Variants in NOL4L observed in about 807,000 individuals in gnomAD.
NOL4L encodes the protein nucleolar protein 4-like.
A neutral mutation model predicts 64.5 loss-of-function variants in NOL4L; 7 were observed. The observed-to-expected ratio is 0.11, with a 90% confidence interval of 0.06 to 0.20. NOL4L has a LOEUF of 0.20. Ranked by LOEUF, NOL4L falls within the 10% of genes least tolerant of loss-of-function variation. The pLI is 1.00. For missense variants in NOL4L, 680 were observed against 967.1 expected (o/e 0.70, Z 3.94); for synonymous variants, 413 against 401.0 (o/e 1.03, Z -0.36).
chr20:32,462,731 C>T (rs1279970671), intron 5 of NOL4L, among the ~76,000 whole-genome samples: 1 of 151,626 alleles, frequency 6.6e-6, no homozygotes, highest in Non-Finnish European at 1.5e-5. Flanking sequence ...ATGGTGAAAC[C>T]CCATCACTAC....
In NOL4L at chr20:32,488,737, CTT is replaced by C. The variant is rs568368239; in HGVS notation, c.700-13997_700-13996del. 1.4e-3 allele frequency among the ~76,000 whole-genome samples: 212 copies of C among 150,716 alleles called. 2 individuals carry two copies. Among genetic ancestry groups the C allele is most frequent in the Admixed American group, 3.5e-3 (53 of 15,082 alleles). ...GTATTTCTTTTTCTTTCTTTCTTTTCTTTCTTTCTTTTCCTTCCTTCCTTCCT... is the reference window on the plus strand; with the variant it reads ...GTATTTCTTTTTCTTTCTTTCTTTTCTCTTTCTTTTCCTTCCTTCCTTCCT... On this transcript the variant is annotated intron_variant, in intron 4 of 10. Coordinates refer to ENST00000621426, the MANE Select transcript of NOL4L (RefSeq NM_001256798.2).
chr20:32,543,592 C>T (rs899743602), intron 1 of NOL4L, among the ~76,000 whole-genome samples: 1 of 151,490 alleles, frequency 6.6e-6, no homozygotes, highest in Non-Finnish European at 1.5e-5. Flanking sequence ...GCACTCTAGC[C>T]TGAATGACAG....
chr20:32,453,754 G>C lies in NOL4L; in HGVS notation c.1127C>G (p.Pro376Arg), dbSNP rs563159052. The C allele has an allele frequency of 6.2e-5, 96 of 1,552,928 alleles. 1 individual carries two copies. Among genetic ancestry groups the C allele is most frequent in the Non-Finnish European group, 6.1e-5 (70 of 1,147,544 alleles). Residue 376 changes from proline (P) to arginine (R), a missense_variant, in exon 7 of 11, where the codon CCC becomes CGC. Pro to Arg is a moderately radical substitution (Grantham distance 103). Around this residue, in one of 4 missense-constraint regions of NOL4L, gnomAD observed 254 missense variants for 238.7 expected, o/e 1.06. Coordinates refer to ENST00000621426, the MANE Select transcript of NOL4L (RefSeq NM_001256798.2). This position sits in a 1 kb window ranked among gnomAD's most constrained non-coding sequence, Gnocchi z 5.6. ...YGVKTTPESP[P>R]YSSGSYDSIK... ...GGAATCGTAGCTCCCAGAGCTGTAGGGGGGGGACTAAAAGGAGGGCAAGAG... is the reference window on the plus strand; with the variant it reads ...GGAATCGTAGCTCCCAGAGCTGTAGCGGGGGGACTAAAAGGAGGGCAAGAG...
chr20:32,487,705 G>C (rs1257529232), intron 4 of NOL4L, among the ~76,000 whole-genome samples: 1 of 152,126 alleles, frequency 6.6e-6, no homozygotes, highest in Non-Finnish European at 1.5e-5. Context: ...GTGAGGAGAG[G>C]ATGCAATCTG....
At position 32,445,156 on chromosome 20, in the gene NOL4L, C is replaced by A. The variant is rs1260388826; in HGVS notation, c.*2440G>T. On this transcript the variant is annotated 3_prime_UTR_variant, in exon 11 of 11. Transcript: ENST00000621426. ...AATGGACTTTAACAACATATTCTTT[C>A]CTTTCTCTTGAAAACACATTGAACC... 2 of 152,238 alleles carry A rather than the reference C, an allele frequency of 1.3e-5. No individual in the cohort carries two copies. Among genetic ancestry groups the A allele is most frequent in the Non-Finnish European group, 2.9e-5 (2 of 68,044 alleles). 9.4% of individuals were successfully genotyped at this position (152,238 alleles called of 1,614,324 possible).
At chr20:32,489,344 C>G (rs1255168923) in intron 4 of NOL4L, among the ~76,000 whole-genome samples, 1 of 151,484 alleles carries the variant, frequency 6.6e-6, no homozygotes, top group African/African-American at 2.4e-5. Flanking sequence ...GGTGTCAATA[C>G]CATCTTTTAT....
Position 32,584,604 on chromosome 20 carries a change from C to A in NOL4L, c.287G>T (p.Gly96Val), listed in dbSNP as rs1222414661. Reference sequence around the variant, plus strand: ...CTTGACCGGCACATACACCACTTGGCCCATCTTGGGTTCCCGGCCGCTGCC... The same window carrying A: ...CTTGACCGGCACATACACCACTTGGACCATCTTGGGTTCCCGGCCGCTGCC... ...RLGSGREPKM[G>V]QVVYVPVKTG... Residue 96 changes from glycine to valine, a missense_variant, in exon 1 of 11, where the codon GGC becomes GTC. This residue lies in a region of NOL4L where 181 missense variants were observed against 335.2 expected (regional missense o/e 0.54). Coordinates refer to ENST00000621426, the MANE Select transcript of NOL4L (RefSeq NM_001256798.2). The A allele has an allele frequency of 6.5e-7, 1 of 1,531,636 alleles. No homozygotes were observed. The highest frequency in any genetic ancestry group is 2.5e-5 in the East Asian group (1 of 39,380). 94.9% of individuals were successfully genotyped at this position (1,531,636 alleles called of 1,614,324 possible).
At chr20:32,509,335 T>G (rs1600788093) in intron 4 of NOL4L, among the ~76,000 whole-genome samples, 1 of 151,866 alleles carries the variant, frequency 6.6e-6, no homozygotes, top group South Asian at 2.1e-4. Flanking sequence ...CTGGCCAACA[T>G]GAGGAAACCC....
Position 32,516,302 on chromosome 20 carries a change from C to T in NOL4L, c.589+4509G>A, listed in dbSNP as rs566592829. Among the ~76,000 whole-genome samples the T allele has an allele frequency of 2.0e-5, 3 of 152,218 alleles. No individual in the cohort carries two copies. The South Asian group carries it at 6.2e-4, about 32-fold the overall frequency. On this transcript the variant is annotated intron_variant, in intron 3 of 10. Transcript: ENST00000621426. ...AAGGTGGCAAAAAAAAAAAAATCTC[C>T]TTCCTGGGGAAGTAAATCATTGAAT...
intron 4 of NOL4L, among the ~76,000 whole-genome samples, chr20:32,483,944 G>C (rs2015924264): frequency 6.6e-6 from 1 of 151,544 alleles, no homozygotes; most frequent in Non-Finnish European, 1.5e-5. Flanking sequence ...GAAGCGCTTC[G>C]AGGAAGATCC....
Position 32,537,057 on chromosome 20 carries a change from C to T in NOL4L, c.322-9144G>A, listed in dbSNP as rs1008895300. On this transcript the variant is annotated intron_variant, in intron 1 of 10. Coordinates refer to ENST00000621426, the MANE Select transcript of NOL4L (RefSeq NM_001256798.2). ...ACCGGCTCCCGGCGCACCTGCCCTG[C>T]CCCGCCCCCCCGGGACGCTGCCCAC... 63 of 984,452 alleles carry T rather than the reference C, an allele frequency of 6.4e-5. 1 individual carries two copies. Among genetic ancestry groups the T allele is most frequent in the Admixed American group, 6.2e-5 (1 of 16,218 alleles). 61.0% of individuals were successfully genotyped at this position (984,452 alleles called of 1,614,324 possible). A position where few individuals can be genotyped will look rare whatever the true frequency, so the allele number is the denominator to read the frequency against.
At chr20:32,537,141 C>T (rs2018559696) in intron 1 of NOL4L, 2 of 984,286 alleles carry the variant, frequency 2.0e-6, no homozygotes, top group Non-Finnish European at 2.4e-6. Context: ...AGGGAGCGCC[C>T]GCTATGTGCC....
At chr20:32,517,974 G>T (rs1225762080) in intron 3 of NOL4L, among the ~76,000 whole-genome samples, 1 of 152,152 alleles carries the variant, frequency 6.6e-6, no homozygotes, top group Admixed American at 6.5e-5. Flanking sequence ...TGTAAGCCAG[G>T]ACTAACACCT....
intron 1 of NOL4L, among the ~76,000 whole-genome samples, chr20:32,553,407 A>C (rs1287033620): frequency 6.6e-6 from 1 of 151,950 alleles, no homozygotes; most frequent in Admixed American, 6.6e-5. Context: ...GGGCCTTTGC[A>C]CTTGTCCTTT....
At chr20:32,511,092 T>C in intron 4 of NOL4L, 1 of 284,036 alleles carries the variant, frequency 3.5e-6, no homozygotes, top group Non-Finnish European at 6.7e-6. Flanking sequence ...CTCCTCCCCC[T>C]CCTCCCACGA....
At chr20:32,536,968 C>T in intron 1 of NOL4L, 1 of 718,656 alleles carries the variant, frequency 1.4e-6, no homozygotes, top group African/African-American at 1.9e-5. Context: ...CGGGCCCCGC[C>T]CACCCCACGC....
At chr20:32,457,389 G>A (rs2013645905) in intron 5 of NOL4L, among the ~76,000 whole-genome samples, 1 of 152,182 alleles carries the variant, frequency 6.6e-6, no homozygotes, top group Non-Finnish European at 1.5e-5. Flanking sequence ...CCTGCACCCA[G>A]AGTGGGTGGG....
chr20:32,505,640 C>T (rs1016685395), intron 4 of NOL4L, among the ~76,000 whole-genome samples: 5 of 152,118 alleles, frequency 3.3e-5, no homozygotes, highest in Non-Finnish European at 7.4e-5. Context: ...AGATTGAGCC[C>T]GGGAGGGCAA....
At chr20:32,561,645 C>A (rs1462548876) in intron 1 of NOL4L, among the ~76,000 whole-genome samples, 1 of 152,090 alleles carries the variant, frequency 6.6e-6, no homozygotes, top group African/African-American at 2.4e-5. Flanking sequence ...CAGGGTTGGG[C>A]TTGGGGACAG....
Sources: gnomAD v4.1 joint callset for allele counts (sites outside exome capture counted in the v4.1 genomes callset) on GRCh38, gnomAD v4.1.1 for gene constraint, gnomAD v4.1.1 regional missense constraint, Gnocchi (gnomAD v3.1) non-coding constraint, MANE v1.5 for transcripts, NCBI Gene and HGNC (gene_info 2026-07-23, HGNC 2026-07-21) for gene names.